ABCC5: variants seen among roughly 807,000 people sequenced by gnomAD.
The protein encoded by ABCC5 is ATP-binding cassette sub-family C member 5.
Under a neutral mutation model 160.9 loss-of-function variants are expected in ABCC5, and 61 were observed. The ratio of observed to expected loss-of-function variants is 0.38; its 90% CI spans 0.31 to 0.47. ABCC5 has a LOEUF of 0.47. ABCC5 is among the 20% of genes least tolerant of loss of function. ABCC5 has a pLI of 0.99. For missense variants in ABCC5, 1,308 were observed against 1,813.3 expected (o/e 0.72, Z 5.06); for synonymous variants, 666 against 700.6 (o/e 0.95, Z 0.78).
chr3:183,929,170 T>C (rs751927185), intron 26 of ABCC5, among the ~76,000 whole-genome samples: 2 of 152,148 alleles, frequency 1.3e-5, no homozygotes, highest in Admixed American at 6.6e-5. Flanking sequence ...CAATGGCTCA[T>C]GTTTGTAATC....
intron 26 of ABCC5, among the ~76,000 whole-genome samples, chr3:183,934,635 A>G (rs1713503696): frequency 1.3e-5 from 2 of 152,188 alleles, no homozygotes; most frequent in Non-Finnish European, 2.9e-5. Flanking sequence ...TGTTCTACCC[A>G]CACCAGCTGC....
chr3:183,960,406 C>A (rs894388005), intron 16 of ABCC5, among the ~76,000 whole-genome samples: 2 of 152,172 alleles, frequency 1.3e-5, no homozygotes, highest in African/African-American at 4.8e-5. Flanking sequence ...CTTGGAATGC[C>A]CCTCCCCTTG....
intron 8 of ABCC5, among the ~76,000 whole-genome samples, chr3:183,980,907 T>G (rs775929817): frequency 7.9e-5 from 12 of 151,960 alleles, no homozygotes; most frequent in Non-Finnish European, 2.9e-5. Flanking sequence ...CAGACGGGGT[T>G]TCACTATATT....
At position 183,963,598 on chromosome 3, in the gene ABCC5, C is replaced by T; in HGVS notation, c.2032-10G>A. 2 of 1,613,084 alleles carry T rather than the reference C, an allele frequency of 1.2e-6. No homozygotes were observed. The highest frequency in any genetic ancestry group is 1.7e-6 in the Non-Finnish European group (2 of 1,179,974). On this transcript the variant is annotated splice_polypyrimidine_tract_variant and intron_variant, in intron 14 of 29. Transcript: ENST00000334444. The surrounding 1 kb of genome is among the most constrained non-coding windows in gnomAD (Gnocchi z 4.6). ...CTCCTCGCTCTCCAATCTACAAGAG[C>T]CCAGAAGTGTGGTGAAGCCTCCAGC... is the stretch of plus-strand genomic sequence containing the variant.
Position 184,017,160 on chromosome 3 carries a change from T to C in ABCC5, c.-56+670A>G, listed in dbSNP as rs1009255150. On this transcript the variant is annotated intron_variant, in intron 1 of 29. Coordinates refer to ENST00000334444, the MANE Select transcript of ABCC5 (RefSeq NM_005688.4). This position sits in a 1 kb window ranked among gnomAD's most constrained non-coding sequence, Gnocchi z 4.5. Reference sequence around the variant, plus strand: ...CACCTGCCTCCAGCCTCTCCGTCTGTGCAGAAACCAAATGGCCCCTGTGTG... The same window carrying C: ...CACCTGCCTCCAGCCTCTCCGTCTGCGCAGAAACCAAATGGCCCCTGTGTG... Among the ~76,000 whole-genome samples, 2 of 152,122 alleles carry C rather than the reference T, an allele frequency of 1.3e-5. No individual in the cohort carries two copies. Among genetic ancestry groups the C allele is most frequent in the African/African-American group, 4.8e-5 (2 of 41,410 alleles).
Position 183,987,821 on chromosome 3 carries a change from G to C in ABCC5, c.540C>G (p.Ile180Met), listed in dbSNP as rs1457457024. 5.0e-6 allele frequency: 8 copies of C among 1,613,962 alleles called. No homozygotes were observed. The highest frequency in any genetic ancestry group is 2.2e-5 in the South Asian group (2 of 91,066). The change falls in exon 5 of 30, where the codon ATC becomes ATG. Residue 180 changes from isoleucine (I) to methionine (M), a missense_variant. Coordinates refer to ENST00000334444, the MANE Select transcript of ABCC5 (RefSeq NM_005688.4). The surrounding 1 kb of genome is among the most constrained non-coding windows in gnomAD (Gnocchi z 4.2). ...VVWIFCRTRL[I>M]LSIVCLMITQ... ...TGATCATCAGGCACACGATGGACAG[G>C]ATGAGCCTGGTGCGGCAGAAGATCC...
intron 25 of ABCC5, among the ~76,000 whole-genome samples, chr3:183,940,462 GAAAAAAAAA>G (rs537025178): frequency 2.0e-4 from 13 of 64,622 alleles, no homozygotes; most frequent in South Asian, 7.1e-4. Flanking sequence ...TCTGTCTCAG[GAAAAAAAAA>G]AAAAAAAAAA....
At chr3:183,977,204 G>A (rs977031501) in intron 10 of ABCC5, among the ~76,000 whole-genome samples, 4 of 152,224 alleles carry the variant, frequency 2.6e-5, no homozygotes, top group Non-Finnish European at 5.9e-5. Flanking sequence ...CCACTTCAAG[G>A]CCCAGTGAGT....
intron 8 of ABCC5, 79 bp downstream of exon 8, chr3:183,981,648 A>G: frequency 1.3e-6 from 2 of 1,503,302 alleles, no homozygotes; most frequent in Non-Finnish European, 1.8e-6. Flanking sequence ...TGTGCTCAGA[A>G]AGCAAAGTGT....
chr3:183,961,513 C>T lies in ABCC5; in HGVS notation c.2377G>A (p.Glu793Lys). Reference protein sequence around the residue: ...NLLLGETPPVEINSKKETSGS... With the variant: ...NLLLGETPPVKINSKKETSGS... The stretch of plus-strand genomic sequence containing the variant: ...ACGCAAACACCATCAGATCTTACCT[C>T]AACTGGCGGTGTCTCTCCCAGCAAC... The change falls in exon 16 of 30, where the codon GAG (glutamate) becomes AAG (lysine). Residue 793 changes from glutamate to lysine, a missense_variant and splice_region_variant. Glu to Lys is a moderately conservative substitution (Grantham distance 56, BLOSUM62 1). Transcript: ENST00000334444. 1 of 1,614,100 alleles carries T rather than the reference C, an allele frequency of 6.2e-7. No homozygotes were observed. The highest frequency in any genetic ancestry group is 8.5e-7 in the Non-Finnish European group (1 of 1,179,976).
intron 22 of ABCC5, among the ~76,000 whole-genome samples, chr3:183,948,583 C>G (rs1715058831): frequency 6.6e-6 from 1 of 152,098 alleles, no homozygotes; most frequent in African/African-American, 2.4e-5. Flanking sequence ...TTAAAAGTTA[C>G]CAAAGGTTTA....
intron 22 of ABCC5, among the ~76,000 whole-genome samples, chr3:183,947,962 G>A (rs965618158): frequency 1.3e-5 from 2 of 152,236 alleles, no homozygotes; most frequent in East Asian, 1.9e-4. Flanking sequence ...CCATAAGTGT[G>A]TGCACATGCC....
At chr3:183,983,362 TA>T in intron 5 of ABCC5, 2 of 256,374 alleles carry the variant, frequency 7.8e-6, no homozygotes, top group Non-Finnish European at 1.5e-5. Context: ...TACATTTGTT[TA>T]CATGAAATTA....
intron 2 of ABCC5, among the ~76,000 whole-genome samples, chr3:183,998,529 A>C (rs1720460443): frequency 6.6e-6 from 1 of 152,202 alleles, no homozygotes; most frequent in Non-Finnish European, 1.5e-5. Flanking sequence ...TAACTAATTT[A>C]ATCCTCATAA....
At chr3:183,927,021 G>C (rs1045234090) in intron 28 of ABCC5, among the ~76,000 whole-genome samples, 5 of 151,726 alleles carry the variant, frequency 3.3e-5, no homozygotes, top group Admixed American at 6.6e-5. Flanking sequence ...CTCCAGCCTG[G>C]AGACAGAGCA....
Position 183,924,010 on chromosome 3 carries a change from C to CTTTTTT in ABCC5, c.4212+1539_4212+1544dup, listed in dbSNP as rs200040197. On this transcript the variant is annotated intron_variant, in intron 29 of 29. Coordinates refer to ENST00000334444, the MANE Select transcript of ABCC5 (RefSeq NM_005688.4). ...AAATCCCACCAATTTTTACTGTTTG[C>CTTTTTT]TTTTTTTTTTTTTTTTTTTTTTTGA... Among the ~76,000 whole-genome samples the CTTTTTT allele has an allele frequency of 3.0e-4, 34 of 112,796 alleles. 1 individual carries two copies. The highest frequency in any genetic ancestry group is 4.0e-4 in the African/African-American group (10 of 25,280). The allele number at this position is 112,796 out of a possible 152,430, so 74.0% of individuals were successfully genotyped here. A position where few individuals can be genotyped will look rare whatever the true frequency, so the allele number is the denominator to read the frequency against.
intron 2 of ABCC5, among the ~76,000 whole-genome samples, chr3:183,999,975 T>A (rs1457168944): frequency 9.2e-5 from 14 of 151,892 alleles, no homozygotes. Flanking sequence ...CAAGCAGAAA[T>A]GTATCAAAGG....
chr3:183,927,217 G>A (rs1172181986), intron 28 of ABCC5, 113 bp downstream of exon 28: 7 of 1,045,550 alleles, frequency 6.7e-6, no homozygotes, highest in African/African-American at 1.6e-5. Flanking sequence ...CATGCTCTTA[G>A]AAAGTGCCAA....
chr3:183,968,507 A>T (rs111663667), intron 11 of ABCC5, among the ~76,000 whole-genome samples: 122 of 152,312 alleles, frequency 8.0e-4, no homozygotes, highest in African/African-American at 2.8e-3. Context: ...GGGTGTATAC[A>T]TAATTAATTT....
Sources: gnomAD v4.1 joint callset for allele counts (sites outside exome capture counted in the v4.1 genomes callset) on GRCh38, gnomAD v4.1.1 for gene constraint, Gnocchi (gnomAD v3.1) non-coding constraint, MANE v1.5 for transcripts, NCBI Gene and HGNC (gene_info 2026-07-23, HGNC 2026-07-21) for gene names.